RANBP17: variants seen among roughly 807,000 people sequenced by gnomAD.
The protein encoded by RANBP17 is RAN binding protein 17.
A neutral mutation model predicts 141.2 loss-of-function variants in RANBP17; 158 were observed. That is an observed-to-expected ratio of 1.12 (90% CI 0.98 to 1.28). RANBP17 has a LOEUF of 1.28. Ranked by LOEUF, RANBP17 falls within the 50% of genes most tolerant of loss-of-function variation. The pLI is 0.00. For synonymous variants in RANBP17, 430 were observed against 450.0 expected, an observed-to-expected ratio of 0.96 and a Z score of 0.56; for missense variants, 1,438 against 1,290.7, an observed-to-expected ratio of 1.11 and a Z score of -1.75.
intron 14 of RANBP17, among the ~76,000 whole-genome samples, chr5:170,971,982 A>G (rs1777022054): frequency 6.6e-6 from 1 of 152,010 alleles, no homozygotes; most frequent in Non-Finnish European, 1.5e-5. Context: ...TCAGATCTGT[A>G]TATTTTTGAG....
chr5:170,931,923 GT>G (rs1407585156), intron 12 of RANBP17, among the ~76,000 whole-genome samples: 2 of 152,162 alleles, frequency 1.3e-5, no homozygotes, highest in Admixed American at 6.5e-5. Context: ...CTTTAAAGTA[GT>G]TTTTTCCTAT....
chr5:171,271,234 G>C (rs573037428), intron 25 of RANBP17: 57 of 210,106 alleles, frequency 2.7e-4, no homozygotes, highest in African/African-American at 1.0e-3. Flanking sequence ...CAGTCAGTCA[G>C]TCAATGAAAA....
intron 18 of RANBP17, among the ~76,000 whole-genome samples, chr5:171,198,080 A>AG (rs2127951243): frequency 6.6e-6 from 1 of 152,330 alleles, no homozygotes; most frequent in African/African-American, 2.4e-5. Flanking sequence ...CAAAGGGAGA[A>AG]GGGAGATAAC....
chr5:171,058,564 T>C (rs1462816220), intron 14 of RANBP17, among the ~76,000 whole-genome samples: 1 of 151,754 alleles, frequency 6.6e-6, no homozygotes, highest in Non-Finnish European at 1.5e-5. Flanking sequence ...TCTATCATTG[T>C]TGGACATTTG....
rs558260639 is a variant in RANBP17 at position 170,979,145 on chromosome 5, C to A, written c.1710+10768C>A. Among the ~76,000 whole-genome samples the A allele has an allele frequency of 1.1e-4, 17 of 152,176 alleles. No homozygotes were observed. In the East Asian group the frequency reaches 3.3e-3, roughly 29 times the overall value. Reference sequence around the variant, plus strand: ...CTACCTATGGTAAAAATAATATGTGCATGGGATTAGTAAACACTAAATTCA... The same window carrying A: ...CTACCTATGGTAAAAATAATATGTGAATGGGATTAGTAAACACTAAATTCA... On this transcript the variant is annotated intron_variant, in intron 14 of 27. Coordinates refer to ENST00000523189, the MANE Select transcript of RANBP17 (RefSeq NM_022897.5).
At chr5:171,071,561 T>C (rs1464863176) in intron 14 of RANBP17, among the ~76,000 whole-genome samples, 6 of 141,848 alleles carry the variant, frequency 4.2e-5, no homozygotes, top group African/African-American at 1.3e-4. Context: ...ACAAATATTA[T>C]CAACTGACTG....
intron 14 of RANBP17, among the ~76,000 whole-genome samples, chr5:171,159,917 C>CAAAAAAAAAAAAAAAAAA (rs1175963382): frequency 2.4e-5 from 1 of 41,494 alleles, no homozygotes; most frequent in Admixed American, 2.6e-4. Context: ...GACTCCATCT[C>CAAAAAAAAAAAAAAAAAA]AAAAAAAAAA....
intron 14 of RANBP17, among the ~76,000 whole-genome samples, chr5:171,153,040 G>A (rs1212420353): frequency 6.6e-6 from 1 of 152,144 alleles, no homozygotes; most frequent in Admixed American, 6.5e-5. Flanking sequence ...TCTTAGCAAG[G>A]TTTGAGATTC....
intron 14 of RANBP17, among the ~76,000 whole-genome samples, chr5:171,109,833 T>G (rs17073355): frequency 0.052 from 7,980 of 152,218 alleles, 265 homozygotes; most frequent in East Asian, 0.12. Flanking sequence ...TATCCAACAC[T>G]AAGGCATTGG....
intron 14 of RANBP17, among the ~76,000 whole-genome samples, chr5:171,160,080 G>A (rs770471609): frequency 2.6e-5 from 4 of 152,126 alleles, no homozygotes; most frequent in Admixed American, 6.5e-5. Context: ...GCAGGAACTT[G>A]TATTGACTCA....
chr5:170,968,697 G>C (rs74370383), intron 14 of RANBP17: 5,219 of 464,258 alleles, frequency 0.011, 221 homozygotes, highest in African/African-American at 0.091. Context: ...TGCTTTTTTA[G>C]TAGTTCCAGG....
intron 25 of RANBP17, among the ~76,000 whole-genome samples, chr5:171,273,945 T>A (rs1767300111): frequency 6.6e-6 from 1 of 152,232 alleles, no homozygotes; most frequent in Non-Finnish European, 1.5e-5. Context: ...TATACTTGTC[T>A]ACTGGAACTT....
At chr5:170,868,423 G>A (rs1254189210) in intron 1 of RANBP17, among the ~76,000 whole-genome samples, 1 of 151,630 alleles carries the variant, frequency 6.6e-6, no homozygotes, top group Admixed American at 6.6e-5. Flanking sequence ...TGATTTTGTT[G>A]TTGTTGTTGT....
intron 27 of RANBP17, among the ~76,000 whole-genome samples, chr5:171,297,500 T>G (rs577485612): frequency 6.6e-6 from 1 of 152,328 alleles, no homozygotes; most frequent in African/African-American, 2.4e-5. Flanking sequence ...ATTCTGGAGT[T>G]ACCAGCCTGG....
chr5:171,083,605 A>C (rs1181306753), intron 14 of RANBP17, among the ~76,000 whole-genome samples: 2 of 152,170 alleles, frequency 1.3e-5, no homozygotes, highest in African/African-American at 4.8e-5. Context: ...GGATGGAAAA[A>C]TACATTATTA....
chr5:171,274,582 A>T (rs921275527), intron 25 of RANBP17, among the ~76,000 whole-genome samples: 1 of 152,234 alleles, frequency 6.6e-6, no homozygotes, highest in Non-Finnish European at 1.5e-5. Flanking sequence ...TTGATTTATA[A>T]GTCATCAAAT....
chr5:170,905,986 T>A (rs943157701), intron 5 of RANBP17, among the ~76,000 whole-genome samples: 16 of 152,088 alleles, frequency 1.1e-4, no homozygotes, highest in Admixed American at 6.5e-5. Context: ...TTAGCAAACT[T>A]ACAGAAAAGT....
chr5:171,025,805 C>T (rs1276931274), intron 14 of RANBP17, among the ~76,000 whole-genome samples: 1 of 152,064 alleles, frequency 6.6e-6, no homozygotes, highest in Middle Eastern at 3.2e-3. Flanking sequence ...CCAGCCATGT[C>T]TTGAACTCCT....
intron 13 of RANBP17, among the ~76,000 whole-genome samples, chr5:170,955,053 T>TA (rs967041918): frequency 1.3e-5 from 2 of 152,082 alleles, no homozygotes; most frequent in African/African-American, 4.8e-5. Flanking sequence ...GCATGCTCCT[T>TA]ACGGGAATCT....
Sources: gnomAD v4.1 joint callset for allele counts (sites outside exome capture counted in the v4.1 genomes callset) on GRCh38, gnomAD v4.1.1 for gene constraint, MANE v1.5 for transcripts, NCBI Gene and HGNC (gene_info 2026-07-23, HGNC 2026-07-21) for gene names.